The following LOC128125814 variants were observed in gnomAD, a reference collection of about 807,000 sequenced individuals.
chr12:57,517,816 TTTTC>T, the LOC128125814 span: 1 of 426,598 alleles, frequency 2.3e-6, no homozygotes, highest in Non-Finnish European at 4.1e-6. Flanking sequence ...TTACTTTTCT[TTTTC>T]TTTTTTTCTT....
chr12:57,520,271 G>T, the LOC128125814 span: 2 of 396,054 alleles, frequency 5.0e-6, no homozygotes, highest in Admixed American at 8.8e-5. Flanking sequence ...GGGTTTGTAA[G>T]CACCACCCCA....
chr12:57,517,973 C>T, the LOC128125814 span, among the ~76,000 whole-genome samples: 2 of 151,910 alleles, frequency 1.3e-5, no homozygotes, highest in African/African-American at 2.4e-5. Context: ...ACTACAGGCG[C>T]GTGCCACCAC....
chr12:57,519,350 A>G, the LOC128125814 span: 1 of 387,864 alleles, frequency 2.6e-6, no homozygotes, highest in Non-Finnish European at 5.1e-6. Context: ...CGTGGCACTT[A>G]TATTTTGTTT....
At chr12:57,519,691 T>C in the LOC128125814 span, among the ~76,000 whole-genome samples, 1 of 152,344 alleles carries the variant, frequency 6.6e-6, no homozygotes, top group Non-Finnish European at 1.5e-5. Flanking sequence ...GCTGGCCTGA[T>C]GCAATGGTTA....
the LOC128125814 span, among the ~76,000 whole-genome samples, chr12:57,518,552 G>A: frequency 6.6e-6 from 1 of 152,138 alleles, no homozygotes. Context: ...CCCTTCCAAG[G>A]TCATCCCCAT....
At chr12:57,517,983 C>T in the LOC128125814 span, among the ~76,000 whole-genome samples, 7 of 152,066 alleles carry the variant, frequency 4.6e-5, no homozygotes, top group East Asian at 5.8e-4. Context: ...CGTGCCACCA[C>T]GCCCAGCTAA....
the LOC128125814 span, among the ~76,000 whole-genome samples, chr12:57,518,150 GTCCT>G: frequency 6.6e-6 from 1 of 151,996 alleles, no homozygotes; most frequent in South Asian, 2.1e-4. Flanking sequence ...CCTCCTACTG[GTCCT>G]TCCTTACTTC....
At chr12:57,519,172 A>G in the LOC128125814 span, 1 of 533,548 alleles carries the variant, frequency 1.9e-6, no homozygotes, top group Non-Finnish European at 3.8e-6. Flanking sequence ...CTTTTAAAAC[A>G]GGTCATTCCT....
the LOC128125814 span, among the ~76,000 whole-genome samples, chr12:57,520,254 G>A: frequency 1.2e-4 from 19 of 152,182 alleles, no homozygotes; most frequent in Non-Finnish European, 2.5e-4. Context: ...GTCGTCCGAA[G>A]CAATAGGGGT....
At chr12:57,520,157 A>T in the LOC128125814 span, among the ~76,000 whole-genome samples, 1 of 152,188 alleles carries the variant, frequency 6.6e-6, no homozygotes, top group Non-Finnish European at 1.5e-5. Context: ...GGAAAGAATG[A>T]ATTTCCCAAG....
At chr12:57,519,667 C>T in the LOC128125814 span, among the ~76,000 whole-genome samples, 1 of 152,246 alleles carries the variant, frequency 6.6e-6, no homozygotes, top group Non-Finnish European at 1.5e-5. Flanking sequence ...CAGAAGGCTG[C>T]AGAGCCAAAC....
the LOC128125814 span, chr12:57,520,301 T>G: frequency 2.5e-6 from 1 of 397,202 alleles, no homozygotes; most frequent in Non-Finnish European, 4.4e-6. Flanking sequence ...ACTCTCCCCA[T>G]TCCTCTCTCG....
the LOC128125814 span, chr12:57,517,808 A>C: frequency 1.4e-5 from 6 of 424,988 alleles, no homozygotes; most frequent in Admixed American, 7.9e-5. Flanking sequence ...GAGGCAACTT[A>C]CTTTTCTTTT....
chr12:57,519,317 C>T, the LOC128125814 span: 3 of 436,434 alleles, frequency 6.9e-6, no homozygotes, highest in Non-Finnish European at 1.4e-5. Context: ...ATTCTCCATT[C>T]CTTTCTCTGC....
chr12:57,518,013 G>C, the LOC128125814 span, among the ~76,000 whole-genome samples: 1 of 152,094 alleles, frequency 6.6e-6, no homozygotes, highest in East Asian at 1.9e-4. Context: ...TTTTAGCAGA[G>C]ATAGGGTTTC....
the LOC128125814 span, among the ~76,000 whole-genome samples, chr12:57,518,837 T>G: frequency 6.6e-6 from 1 of 152,160 alleles, no homozygotes; most frequent in Non-Finnish European, 1.5e-5. Flanking sequence ...TTTTGTATTT[T>G]TAGTAAAGAT....
chr12:57,519,935 G>A, the LOC128125814 span, among the ~76,000 whole-genome samples: 1 of 152,198 alleles, frequency 6.6e-6, no homozygotes, highest in Non-Finnish European at 1.5e-5. Context: ...TCCGCTGCAG[G>A]GTCCAGTAGC....
the LOC128125814 span, among the ~76,000 whole-genome samples, chr12:57,518,108 G>A: frequency 1.3e-5 from 2 of 151,762 alleles, no homozygotes; most frequent in African/African-American, 2.4e-5. Flanking sequence ...ATGAGCTACC[G>A]TGCTGGGCCC....
the LOC128125814 span, among the ~76,000 whole-genome samples, chr12:57,518,289 C>G: frequency 6.6e-6 from 1 of 152,082 alleles, no homozygotes; most frequent in Non-Finnish European, 1.5e-5. Flanking sequence ...AAGTCCTGGC[C>G]AACTCAGCTT....
Sources: gnomAD v4.1 joint callset for allele counts (sites outside exome capture counted in the v4.1 genomes callset) on GRCh38, gnomAD v4.1.1 for gene constraint, MANE v1.5 for transcripts.